Variants in C9orf72 observed in about 807,000 individuals in gnomAD.
C9orf72 encodes the protein C9orf72-SMCR8 complex subunit.
C9orf72 carries 44 observed loss-of-function variants against 51.6 expected under a neutral mutation model. The ratio of observed to expected loss-of-function variants is 0.85; its 90% CI spans 0.67 to 1.10. The LOEUF (loss-of-function observed/expected upper bound fraction) is 1.10. Among genes scored for constraint, C9orf72 ranks in the 50% least tolerant of loss-of-function variants. C9orf72 has a pLI of 0.00. For missense variants in C9orf72, 607 were observed against 570.6 expected (o/e 1.06, Z -0.65); for synonymous variants, 213 against 194.2 (o/e 1.10, Z -0.81).
chr9:27,555,620 G>A (rs1820993056), intron 8 of C9orf72, among the ~76,000 whole-genome samples: 1 of 149,742 alleles, frequency 6.7e-6, no homozygotes, highest in Non-Finnish European at 1.5e-5. Flanking sequence ...GGAGTACACT[G>A]GCACATCATA....
intron 1 of C9orf72, among the ~76,000 whole-genome samples, chr9:27,571,616 C>T (rs1240383998): frequency 2.0e-5 from 3 of 152,092 alleles, no homozygotes; most frequent in South Asian, 2.1e-4. Flanking sequence ...TCACCACGCC[C>T]GGCTAAGTTT....
upstream of C9orf72, chr9:27,573,482 GCAGCCCCGCCC>G (rs1819638491): frequency 7.3e-6 from 1 of 137,006 alleles, no homozygotes; most frequent in Non-Finnish European, 1.6e-5. Context: ...CACCGCAACC[GCAGCCCCGCCC>G]CGGGCCCGCC....
chr9:27,548,849 T>TA (rs1024746535), intron 9 of C9orf72, among the ~76,000 whole-genome samples, 183 bp from the exon 10 acceptor site: 4 of 68,580 alleles, frequency 5.8e-5, no homozygotes, highest in African/African-American at 1.9e-4. Flanking sequence ...CAATCTGATA[T>TA]TTTTTTTTTT....
In C9orf72 at chr9:27,565,401, T is replaced by G. The variant is rs149452353; in HGVS notation, c.504+130A>C. 5.4e-3 allele frequency: 2,644 copies of G among 492,356 alleles called. 9 individuals carry two copies. The highest frequency in any genetic ancestry group is 7.5e-3 in the Non-Finnish European group (2,066 of 276,920). The allele number at this position is 492,356 out of a possible 1,614,324, so 30.5% of individuals were successfully genotyped here. A position where few individuals can be genotyped will look rare whatever the true frequency, so the allele number is the denominator to read the frequency against. On this transcript the variant is annotated intron_variant, in intron 3 of 10. Coordinates refer to ENST00000380003, the MANE Select transcript of C9orf72 (RefSeq NM_018325.5). ...ATGGAAATCTTCCTCCAGTTTATTC[T>G]GTACACCTCCATAAAAGCTCCATTA...
intron 8 of C9orf72, among the ~76,000 whole-genome samples, chr9:27,554,209 T>C (rs1432593277): frequency 1.3e-5 from 2 of 152,184 alleles, no homozygotes; most frequent in Non-Finnish European, 2.9e-5. Flanking sequence ...TAAAGACACA[T>C]GCATGTGTAT....
chr9:27,555,582 A>G (rs1210786559), intron 8 of C9orf72, among the ~76,000 whole-genome samples: 2 of 148,930 alleles, frequency 1.3e-5, no homozygotes, highest in South Asian at 2.1e-4. Context: ...TTTTTTAAAT[A>G]AGACAGAGTC....
At chr9:27,550,474 T>C (rs191440402) in intron 9 of C9orf72, among the ~76,000 whole-genome samples, 176 bp downstream of exon 9, 2 of 152,300 alleles carry the variant, frequency 1.3e-5, no homozygotes, top group Admixed American at 6.5e-5. Flanking sequence ...GCACTTGACA[T>C]GCCCTCACAG....
intron 9 of C9orf72, among the ~76,000 whole-genome samples, chr9:27,549,606 C>T (rs898024901): frequency 1.3e-5 from 2 of 151,822 alleles, no homozygotes; most frequent in Admixed American, 6.5e-5. Flanking sequence ...TTATAACAAA[C>T]TGTAATATAT....
chr9:27,555,396 T>A (rs773536410), intron 8 of C9orf72, among the ~76,000 whole-genome samples: 13 of 152,152 alleles, frequency 8.5e-5, no homozygotes, highest in Non-Finnish European at 1.5e-4. Context: ...ACTGTGTAAT[T>A]ACTGGTGCTC....
At chr9:27,558,365 AG>A (rs1285763746) in intron 7 of C9orf72, 125 bp downstream of exon 7, 1 of 682,356 alleles carries the variant, frequency 1.5e-6, no homozygotes, top group Non-Finnish European at 2.6e-6. Flanking sequence ...AACTGTGTAA[AG>A]GAAGTCAGTC....
At position 27,548,172 on chromosome 9, in the gene C9orf72, A is replaced by G; in HGVS notation, c.*64T>C. Reference sequence around the variant, plus strand: ...GTATGATCCAGGGGAACGTTTCCCCACACCACTGAGCTACTTTACCAGCGA... The same window carrying G: ...GTATGATCCAGGGGAACGTTTCCCCGCACCACTGAGCTACTTTACCAGCGA... On this transcript the variant is annotated 3_prime_UTR_variant, in exon 11 of 11. Transcript: ENST00000380003. 7.7e-7 allele frequency: 1 copy of G among 1,296,348 alleles called. No homozygotes were observed. Among genetic ancestry groups the G allele is most frequent in the Non-Finnish European group, 1.1e-6 (1 of 934,590 alleles). The allele number at this position is 1,296,348 out of a possible 1,614,324, so 80.3% of individuals were successfully genotyped here.
rs768698995 is a variant in C9orf72, at chr9:27,548,352, C to T, written c.1330G>A (p.Asp444Asn). 1.6e-5 allele frequency: 25 copies of T among 1,603,652 alleles called. No homozygotes were observed. The highest frequency in any genetic ancestry group is 1.1e-4 in the African/African-American group (8 of 73,156). The change falls in exon 11 of 11, where the codon GAT (aspartate) becomes AAT (asparagine). Residue 444 changes from aspartate to asparagine, a missense_variant. Physicochemically the swap from Asp to Asn is conservative, Grantham distance 23 (BLOSUM62 1). Coordinates refer to ENST00000380003, the MANE Select transcript of C9orf72 (RefSeq NM_018325.5). ...KIDLDLTAEGDLNIIMALAEK... is the reference protein window; with the variant it reads ...KIDLDLTAEGNLNIIMALAEK... ...GCCAGAGCCATTATTATGTTAAGAT[C>T]GCCCTCTGCTGTTAAATCAAGGTCT... is the stretch of plus-strand genomic sequence containing the variant.
intron 8 of C9orf72, among the ~76,000 whole-genome samples, chr9:27,551,005 A>G (rs1157219979): frequency 6.6e-6 from 1 of 152,072 alleles, no homozygotes; most frequent in Non-Finnish European, 1.5e-5. Context: ...CTATCAATCT[A>G]TTTTACTACT....
chr9:27,563,339 CA>C (rs968550270), intron 3 of C9orf72, among the ~76,000 whole-genome samples: 1 of 152,144 alleles, frequency 6.6e-6, no homozygotes, highest in Admixed American at 6.5e-5. Context: ...TAACACATCA[CA>C]AATGTAAAGT....
chr9:27,551,928 G>A (rs1206134712), intron 8 of C9orf72, among the ~76,000 whole-genome samples: 3 of 152,062 alleles, frequency 2.0e-5, no homozygotes, highest in African/African-American at 2.4e-5. Context: ...TATTTTATTC[G>A]TTTTGCGGCT....
At chr9:27,558,418 A>C in intron 7 of C9orf72, 73 bp downstream of exon 7, 1 of 816,680 alleles carries the variant, frequency 1.2e-6, no homozygotes, top group Non-Finnish European at 2.1e-6. Context: ...GCTAATATTT[A>C]AGATTTGTCT....
At chr9:27,564,122 G>A (rs1422140398) in intron 3 of C9orf72, among the ~76,000 whole-genome samples, 2 of 132,566 alleles carry the variant, frequency 1.5e-5, no homozygotes, top group Non-Finnish European at 3.1e-5. Context: ...ATCAGTATAA[G>A]TGAATGAATA....
chr9:27,568,975 G>A (rs1476284169), intron 1 of C9orf72, among the ~76,000 whole-genome samples: 1 of 152,046 alleles, frequency 6.6e-6, no homozygotes, highest in Non-Finnish European at 1.5e-5. Context: ...ACAAGATGTG[G>A]AGGTGGAAGG....
In C9orf72 at chr9:27,566,875, T is replaced by C; in HGVS notation, c.246A>G (p.Val82=). 1 of 1,613,984 alleles carries C rather than the reference T, an allele frequency of 6.2e-7. No individual in the cohort carries two copies. Residue 82 remains valine, a synonymous_variant, in exon 2 of 11, where the codon GTA becomes GTG. Transcript: ENST00000380003. The part of the protein sequence containing the change: ...LRNAESGAID[V]KFFVLSEKGV... ...CCTTTTCAGACAAGACAAAAAACTT[T>C]ACATCTATAGCACCACTCTCTGCAT...
Sources: allele counts gnomAD v4.1 joint callset (sites outside exome capture counted in the v4.1 genomes callset), GRCh38; gene constraint gnomAD v4.1.1; transcripts MANE v1.5; gene names NCBI Gene and HGNC (gene_info 2026-07-23, HGNC 2026-07-21).